The following CDH2 variants were observed in gnomAD, a reference collection of about 807,000 sequenced individuals.
CDH2 encodes the protein cadherin-2.
Under a neutral mutation model 92.0 loss-of-function variants are expected in CDH2, and 17 were observed. That is an observed-to-expected ratio of 0.18 (90% CI 0.13 to 0.28). CDH2 has a LOEUF of 0.28. CDH2 is among the 10% of genes least tolerant of loss of function. The pLI is 1.00. For missense variants in CDH2, 862 were observed against 1,133.1 expected, an observed-to-expected ratio of 0.76 and a Z score of 3.44; for synonymous variants, 419 against 415.9, an observed-to-expected ratio of 1.01 and a Z score of -0.09.
intron 2 of CDH2, among the ~76,000 whole-genome samples, chr18:28,126,631 A>G (rs1267320341): frequency 1.3e-5 from 2 of 152,166 alleles, no homozygotes; most frequent in East Asian, 1.9e-4. Flanking sequence ...CAAATAATTA[A>G]CTTTGAAAAA....
chr18:28,013,874 G>C lies in CDH2; in HGVS notation c.208C>G (p.Gln70Glu), dbSNP rs1372835307. ...TCTGCAGGCTCACTGCTCTCATATTGTACTTTTCTTTTTCCATTGCAGTTG... is the reference window on the plus strand; with the variant it reads ...TCTGCAGGCTCACTGCTCTCATATTCTACTTTTCTTTTTCCATTGCAGTTG... ...FSNCNGKRKVQYESSEPADFK... is the reference protein window; with the variant it reads ...FSNCNGKRKVEYESSEPADFK... Residue 70 changes from glutamine (Q) to glutamate (E), a missense_variant, in exon 3 of 16, where the codon CAA (glutamine) becomes GAA (glutamate). Gln to Glu is a conservative substitution (Grantham distance 29). Transcript: ENST00000269141. 2.5e-6 allele frequency: 4 copies of C among 1,613,240 alleles called. No individual in the cohort carries two copies. The highest frequency in any genetic ancestry group is 3.4e-6 in the Non-Finnish European group (4 of 1,179,916).
At chr18:28,010,795 G>A (rs991199483) in intron 4 of CDH2, among the ~76,000 whole-genome samples, 1 of 151,562 alleles carries the variant, frequency 6.6e-6, no homozygotes, top group African/African-American at 2.4e-5. Context: ...TCAGCCTCCC[G>A]AGTAGCACCA....
intron 2 of CDH2, among the ~76,000 whole-genome samples, chr18:28,104,338 T>C (rs2015286063): frequency 6.6e-6 from 1 of 152,190 alleles, no homozygotes; most frequent in Non-Finnish European, 1.5e-5. Context: ...TTCTTTATCA[T>C]AAAATTTGAT....
chr18:28,040,303 A>G (rs1344520951), intron 2 of CDH2, among the ~76,000 whole-genome samples: 2 of 152,198 alleles, frequency 1.3e-5, no homozygotes, highest in African/African-American at 4.8e-5. Context: ...AGCACGTTAA[A>G]TGATGCAAAA....
At chr18:28,127,233 C>T (rs1044339784) in intron 2 of CDH2, among the ~76,000 whole-genome samples, 3 of 152,176 alleles carry the variant, frequency 2.0e-5, no homozygotes, top group African/African-American at 7.2e-5. Context: ...ATCATCCTAT[C>T]CACCAACCTG....
In CDH2 at chr18:27,951,021, A is replaced by G. The variant is rs1187655559; in HGVS notation, c.*1132T>C. ...CGCTGGGGTCAGAGGTGTATCATTTATATTCTGGTACACAATACAGAGGCA... is the reference window on the plus strand; with the variant it reads ...CGCTGGGGTCAGAGGTGTATCATTTGTATTCTGGTACACAATACAGAGGCA... On this transcript the variant is annotated 3_prime_UTR_variant, in exon 16 of 16. Coordinates refer to ENST00000269141, the MANE Select transcript of CDH2 (RefSeq NM_001792.5). The G allele has an allele frequency of 6.6e-6, 1 of 152,410 alleles. No individual in the cohort carries two copies. Among genetic ancestry groups the G allele is most frequent in the Non-Finnish European group, 1.5e-5 (1 of 67,974 alleles). The allele number at this position is 152,410 out of a possible 1,614,324, so 9.4% of individuals were successfully genotyped here. A position where few individuals can be genotyped will look rare whatever the true frequency, so the allele number is the denominator to read the frequency against.
At chr18:27,947,938 TAA>T (rs1487427859), downstream of CDH2, among the ~76,000 whole-genome samples, 3 of 150,022 alleles carry the variant, frequency 2.0e-5, 1 homozygote, top group Non-Finnish European at 4.5e-5. Flanking sequence ...AACTTTGATA[TAA>T]GTGTGTATAC....
chr18:27,972,322 G>C (rs1396283446), intron 14 of CDH2, among the ~76,000 whole-genome samples: 1 of 152,122 alleles, frequency 6.6e-6, no homozygotes, highest in Non-Finnish European at 1.5e-5. Context: ...TATGAGCCTA[G>C]CCATACTGGT....
chr18:28,090,566 C>T (rs2015018884), intron 2 of CDH2, among the ~76,000 whole-genome samples: 1 of 152,210 alleles, frequency 6.6e-6, no homozygotes, highest in Middle Eastern at 3.2e-3. Flanking sequence ...CTTCCCTCCA[C>T]AGATGACAAT....
intron 7 of CDH2, among the ~76,000 whole-genome samples, chr18:28,002,384 T>C (rs542285644): frequency 3.9e-5 from 6 of 152,328 alleles, no homozygotes; most frequent in East Asian, 3.9e-4. Flanking sequence ...GCCTTCAACA[T>C]TGCATACATT....
chr18:27,961,144 T>C (rs1288098980), intron 15 of CDH2, among the ~76,000 whole-genome samples: 1 of 151,702 alleles, frequency 6.6e-6, no homozygotes, highest in Non-Finnish European at 1.5e-5. Context: ...GGCTCTAGAC[T>C]CAGTATCCAT....
At chr18:28,119,563 A>AT (rs2015552692) in intron 2 of CDH2, among the ~76,000 whole-genome samples, 1 of 152,174 alleles carries the variant, frequency 6.6e-6, no homozygotes, top group East Asian at 1.9e-4. Flanking sequence ...ATATTGAGCA[A>AT]TATTGAGTGG....
intron 1 of CDH2, among the ~76,000 whole-genome samples, chr18:28,159,674 T>TTG (rs1568021851): frequency 6.6e-6 from 1 of 150,920 alleles, no homozygotes. Flanking sequence ...TTTTTTTTTT[T>TTG]GAAAGGGAGT....
chr18:28,082,036 C>T (rs1036214318), intron 2 of CDH2, among the ~76,000 whole-genome samples: 6 of 152,128 alleles, frequency 3.9e-5, no homozygotes, highest in African/African-American at 1.2e-4. Flanking sequence ...TAAAATCTTG[C>T]TATAAACTAC....
chr18:27,989,220 T>C (rs994027614), intron 10 of CDH2, among the ~76,000 whole-genome samples: 11 of 152,212 alleles, frequency 7.2e-5, no homozygotes, highest in African/African-American at 2.2e-4. Context: ...AAGAAAGTCC[T>C]ACAGTCTTGA....
intron 2 of CDH2, chr18:28,097,136 T>C (rs889715943): frequency 2.0e-5 from 3 of 152,206 alleles, no homozygotes; most frequent in African/African-American, 7.2e-5. Flanking sequence ...GCTGACGGTG[T>C]ACCCGCTCTG....
intron 2 of CDH2, among the ~76,000 whole-genome samples, chr18:28,053,846 C>T (rs1398582932): frequency 6.6e-6 from 1 of 152,158 alleles, no homozygotes; most frequent in Non-Finnish European, 1.5e-5. Flanking sequence ...TTGAGGAATG[C>T]AGGAGAGGTA....
chr18:28,111,377 A>T (rs1386198761), intron 2 of CDH2, among the ~76,000 whole-genome samples: 2 of 152,244 alleles, frequency 1.3e-5, no homozygotes, highest in Non-Finnish European at 2.9e-5. Flanking sequence ...TAGTTAGCAT[A>T]ACTTTGGAAC....
intron 2 of CDH2, among the ~76,000 whole-genome samples, chr18:28,111,478 A>G (rs1325935895): frequency 6.6e-6 from 1 of 152,232 alleles, no homozygotes; most frequent in Non-Finnish European, 1.5e-5. Context: ...TCCGTCCTAT[A>G]ATTTGTGGGA....
Sources: allele counts gnomAD v4.1 joint callset (sites outside exome capture counted in the v4.1 genomes callset), GRCh38; gene constraint gnomAD v4.1.1; transcripts MANE v1.5; gene names NCBI Gene and HGNC (gene_info 2026-07-23, HGNC 2026-07-21).